KPTN: variants seen among roughly 807,000 people sequenced by gnomAD.
KPTN encodes KICSTOR complex protein kaptin.
In KPTN, 36 loss-of-function variants were observed where a neutral mutation model predicts 52.6. That is an observed-to-expected ratio of 0.68 (90% CI 0.52 to 0.90). The LOEUF (loss-of-function observed/expected upper bound fraction) is 0.90. Ranked by LOEUF, KPTN falls within the 40% of genes least tolerant of loss-of-function variation. The probability of loss-of-function intolerance (pLI) is 0.00; values close to 1 mark genes in which losing one functional copy is unlikely to be tolerated. For missense variants in KPTN, 529 were observed against 576.2 expected (o/e 0.92, Z 0.84); for synonymous variants, 271 against 248.4 (o/e 1.09, Z -0.85).
chr19:47,485,368 G>A (rs1484027170), upstream of KPTN, among the ~76,000 whole-genome samples: 2 of 152,220 alleles, frequency 1.3e-5, no homozygotes, highest in Non-Finnish European at 2.9e-5. Flanking sequence ...AGCAAGTGGT[G>A]GGGACAGGAT....
chr19:47,480,893 A>AC, intron 5 of KPTN, 60 bp from the exon 6 acceptor site: 3 of 1,609,528 alleles, frequency 1.9e-6, no homozygotes, highest in Admixed American at 1.7e-5. Context: ...TCACACATAT[A>AC]CCCACCCAGC....
rs754373057 is a variant in KPTN, at chr19:47,475,256, C to G, written c.*160G>C. 7.7e-5 allele frequency: 51 copies of G among 659,690 alleles called. No homozygotes were observed. Among genetic ancestry groups the G allele is most frequent in the Non-Finnish European group, 7.5e-5 (30 of 397,906 alleles). 40.9% of individuals were successfully genotyped at this position (659,690 alleles called of 1,614,324 possible). ...GCTTTCAAATAGGGACATTGACGTA[C>G]AGAGAGAGGAGTGGGTTAGCTGGGG... On this transcript the variant is annotated 3_prime_UTR_variant, in exon 12 of 12. Coordinates refer to ENST00000338134, the MANE Select transcript of KPTN (RefSeq NM_007059.4).
chr19:47,476,977 T>G (rs758123344), intron 9 of KPTN, 39 bp from the exon 10 acceptor site: 31 of 1,544,800 alleles, frequency 2.0e-5, no homozygotes, highest in Middle Eastern at 3.8e-4. Flanking sequence ...TGGGGTCAGC[T>G]TGCAGTGCCC....
In KPTN at chr19:47,476,565, G is replaced by C. The variant is rs762704121; in HGVS notation, c.1149C>G (p.Ala383=). 1 of 1,611,016 alleles carries C rather than the reference G, an allele frequency of 6.2e-7. No homozygotes were observed. The highest frequency in any genetic ancestry group is 8.5e-7 in the Non-Finnish European group (1 of 1,179,444). The change falls in exon 11 of 12, where the codon GCC becomes GCG. Residue 383 remains alanine, a synonymous_variant. Transcript: ENST00000338134. ...DLTGDGLQEL[A]VVSLKGVHIL... ...TGTGCACGCCCTTCAGGGAGACCAC[G>C]GCAAGCTCCTGCAGCCCATCCCCGG... is the stretch of plus-strand genomic sequence containing the variant.
intron 8 of KPTN, among the ~76,000 whole-genome samples, chr19:47,478,417 A>G (rs138424462): frequency 0.015 from 2,258 of 151,848 alleles, 40 homozygotes; most frequent in Middle Eastern, 0.055. Flanking sequence ...GTGTCTACTA[A>G]AAACACAAAA....
At chr19:47,483,866 C>A in intron 1 of KPTN, 69 bp downstream of exon 1, 1 of 1,591,820 alleles carries the variant, frequency 6.3e-7, no homozygotes, top group South Asian at 1.1e-5. Context: ...CCGGCTCAGA[C>A]AGAGCCTCAG....
At chr19:47,476,447 T>C in intron 11 of KPTN, 85 bp downstream of exon 11, 1 of 1,189,356 alleles carries the variant, frequency 8.4e-7, no homozygotes, top group African/African-American at 1.9e-5. Flanking sequence ...TGAAATGAGT[T>C]CCTCCCTCCC....
chr19:47,484,503 C>T, upstream of KPTN: 1 of 338,660 alleles, frequency 3.0e-6, no homozygotes. Context: ...CTTAATATTG[C>T]CCTTATGTGC....
chr19:47,476,585 C>T lies in KPTN; in HGVS notation c.1129G>A (p.Asp377Asn), dbSNP rs764256304. The T allele has an allele frequency of 1.5e-5, 24 of 1,612,136 alleles. No homozygotes were observed. Among genetic ancestry groups the T allele is most frequent in the Non-Finnish European group, 1.9e-5 (22 of 1,179,690 alleles). The change falls in exon 11 of 12, where the codon GAT becomes AAT. Residue 377 changes from aspartate to asparagine, a missense_variant. Asp to Asn is a conservative substitution (Grantham distance 23, BLOSUM62 1). Transcript: ENST00000338134. ...ACCACGGCAAGCTCCTGCAGCCCAT[C>T]CCCGGTCAGGTCCACGTGAGCCATG... is the stretch of plus-strand genomic sequence containing the variant. ...LAMAHVDLTG[D>N]GLQELAVVSL...
chr19:47,478,073 A>G (rs1268260543), intron 8 of KPTN, among the ~76,000 whole-genome samples: 1 of 151,930 alleles, frequency 6.6e-6, no homozygotes, highest in Non-Finnish European at 1.5e-5. Context: ...AAAAGAAAAA[A>G]AAAAAAAGAA....
Position 47,483,307 on chromosome 19 carries a change from C to T in KPTN, c.382G>A (p.Asp128Asn), listed in dbSNP as rs776066217. 6.2e-7 allele frequency: 1 copy of T among 1,613,904 alleles called. No individual in the cohort carries two copies. The highest frequency in any genetic ancestry group is 1.3e-5 in the African/African-American group (1 of 74,894). Residue 128 changes from aspartate to asparagine, a missense_variant, in exon 3 of 12, where the codon GAC becomes AAC. By Grantham distance (23) the Asp-to-Asn change is conservative (BLOSUM62 1). Coordinates refer to ENST00000338134, the MANE Select transcript of KPTN (RefSeq NM_007059.4). ...ACGCCTCACTCACGGGCAATAGAGT[C>T]AAGGTTGTACTCAGAGCCGGGCTCG... ...DYEPGSEYNL[D>N]SIAQSCLNLE...
At chr19:47,478,871 T>C (rs908711045) in intron 8 of KPTN, among the ~76,000 whole-genome samples, 7 of 152,046 alleles carry the variant, frequency 4.6e-5, no homozygotes, top group African/African-American at 1.7e-4. Context: ...GAGTGTATAA[T>C]GGTGTTTGGA....
At position 47,480,746 on chromosome 19, in the gene KPTN, GGGGCCTCTCCTACCTACT is replaced by G; in HGVS notation, c.595_599+13del. The G allele has an allele frequency of 6.2e-7, 1 of 1,613,132 alleles. No individual in the cohort carries two copies. Among genetic ancestry groups the G allele is most frequent in the African/African-American group, 1.3e-5 (1 of 74,924 alleles). On this transcript the variant is annotated splice_donor_variant and splice_donor_5th_base_variant and coding_sequence_variant and intron_variant, in exon 6 of 12. Coordinates refer to ENST00000338134, the MANE Select transcript of KPTN (RefSeq NM_007059.4). LOFTEE classifies it high-confidence loss of function. ...GCCCCGGTCCCCAGTGGCCTCTTTC[GGGGCCTCTCCTACCTACT>G]GGTCAGGTTCGTCAGCTCTGGGAAG...
rs1055823244 is a variant in KPTN at position 47,481,036 on chromosome 19, G to A, written c.450-3C>T. The A allele has an allele frequency of 1.3e-6, 2 of 1,573,306 alleles. No individual in the cohort carries two copies. The highest frequency in any genetic ancestry group is 3.7e-5 in the Admixed American group (2 of 53,498). ...CAAGTTGATCCCCGACCTGGACCCT[G>A]AAAGCAGAGAAATCTAGAACCCAAG... On this transcript the variant is annotated splice_region_variant and splice_polypyrimidine_tract_variant and intron_variant, in intron 4 of 11. Coordinates refer to ENST00000338134, the MANE Select transcript of KPTN (RefSeq NM_007059.4).
At position 47,478,567 on chromosome 19, in the gene KPTN, T is replaced by TAAAAAAAAAAAAAAA. The variant is rs757744803; in HGVS notation, c.788-801_788-787dup. 2.7e-4 allele frequency among the ~76,000 whole-genome samples: 18 copies of TAAAAAAAAAAAAAAA among 66,230 alleles called. 1 individual carries two copies. The highest frequency in any genetic ancestry group is 7.8e-4 in the African/African-American group (16 of 20,416). The allele number at this position is 66,230 out of a possible 152,430, so 43.4% of individuals were successfully genotyped here. On this transcript the variant is annotated intron_variant, in intron 8 of 11. Coordinates refer to ENST00000338134, the MANE Select transcript of KPTN (RefSeq NM_007059.4). The stretch of plus-strand genomic sequence containing the variant: ...CAACCAGCCTGACCAAGACTCTGTC[T>TAAAAAAAAAAAAAAA]AAAAAAAAAAAAAAAAAAAAAGACA...
chr19:47,478,779 G>A (rs1967765740), intron 8 of KPTN, among the ~76,000 whole-genome samples: 1 of 152,082 alleles, frequency 6.6e-6, no homozygotes, highest in African/African-American at 2.4e-5. Context: ...TATTCTAAGT[G>A]CAGTAACATA....
At chr19:47,479,045 T>C (rs909110053) in intron 8 of KPTN, among the ~76,000 whole-genome samples, 2 of 151,572 alleles carry the variant, frequency 1.3e-5, no homozygotes, top group African/African-American at 4.9e-5. Context: ...TTGAAATAAT[T>C]TTTTTTTTCT....
chr19:47,484,272 G>A, upstream of KPTN: 1 of 1,334,782 alleles, frequency 7.5e-7, no homozygotes. Context: ...GCGGGCTGAT[G>A]ACGTACGGAA....
At chr19:47,480,570 C>T (rs1967842206) in intron 6 of KPTN, 163 bp from the exon 7 acceptor site, 2 of 736,170 alleles carry the variant, frequency 2.7e-6, no homozygotes, top group South Asian at 3.4e-5. Context: ...TCAATTCTCA[C>T]CACCCGAGGG....
Sources: gnomAD v4.1 joint callset for allele counts (sites outside exome capture counted in the v4.1 genomes callset) on GRCh38, gnomAD v4.1.1 for gene constraint, MANE v1.5 for transcripts, NCBI Gene and HGNC (gene_info 2026-07-23, HGNC 2026-07-21) for gene names.